The following SLC25A40 variants were observed in gnomAD, a reference collection of about 807,000 sequenced individuals.
SLC25A40 encodes solute carrier family 25 member 40.
SLC25A40 carries 41 observed loss-of-function variants against 46.5 expected under a neutral mutation model. The observed-to-expected ratio is 0.88, with a 90% CI of 0.69 to 1.14. The LOEUF (loss-of-function observed/expected upper bound fraction) is 1.14, where lower values mean the gene tolerates loss of function less well. Ranked by LOEUF, SLC25A40 falls within the 50% of genes most tolerant of loss-of-function variation. The pLI, the probability that SLC25A40 is intolerant of heterozygous loss-of-function variation, is 0.00. For synonymous variants in SLC25A40, 126 were observed against 127.5 expected (o/e 0.99, Z 0.08); for missense variants, 386 against 393.6 (o/e 0.98, Z 0.16).
chr7:87,869,678 A>G (rs1057076785), intron 1 of SLC25A40, among the ~76,000 whole-genome samples: 2 of 151,868 alleles, frequency 1.3e-5, no homozygotes, highest in Admixed American at 6.6e-5. Flanking sequence ...GTTCCTTTCC[A>G]CTTCTGAATA....
chr7:87,861,449 T>C (rs1584334688), intron 1 of SLC25A40, among the ~76,000 whole-genome samples: 1 of 152,196 alleles, frequency 6.6e-6, no homozygotes, highest in South Asian at 2.1e-4. Flanking sequence ...TTAAGGACCA[T>C]AATGTTCTAA....
At chr7:87,837,841 T>C (rs774369949) in intron 10 of SLC25A40, among the ~76,000 whole-genome samples, 5 of 151,406 alleles carry the variant, frequency 3.3e-5, no homozygotes, top group Non-Finnish European at 5.9e-5. Context: ...TACTGCCCTC[T>C]CTAGCTTTTT....
At chr7:87,873,383 ATTATC>A (rs900892777) in intron 1 of SLC25A40, among the ~76,000 whole-genome samples, 22 of 150,782 alleles carry the variant, frequency 1.5e-4, no homozygotes, top group African/African-American at 5.1e-4. Context: ...ACTGAACAAT[ATTATC>A]TTCATTTATA....
intron 7 of SLC25A40, 86 bp from the exon 8 acceptor site, chr7:87,847,208 GATTTTAT>G: frequency 9.6e-7 from 1 of 1,039,706 alleles, no homozygotes; most frequent in African/African-American, 1.6e-5. Flanking sequence ...AATATTCACA[GATTTTAT>G]ATTTTAAACT....
chr7:87,867,468 C>A (rs1017452494), intron 1 of SLC25A40, among the ~76,000 whole-genome samples: 2 of 152,058 alleles, frequency 1.3e-5, no homozygotes, highest in Non-Finnish European at 2.9e-5. Flanking sequence ...TGTTTAATTT[C>A]TTTGATAAAT....
intron 1 of SLC25A40, among the ~76,000 whole-genome samples, chr7:87,869,977 A>C (rs546565524): frequency 6.6e-6 from 1 of 152,290 alleles, no homozygotes; most frequent in South Asian, 2.1e-4. Flanking sequence ...GGTCAGTTTT[A>C]ACATTTTATT....
chr7:87,876,075 A>C (rs1839010491), intron 1 of SLC25A40, 21 bp downstream of exon 1: 1 of 152,390 alleles, frequency 6.6e-6, no homozygotes, highest in Admixed American at 6.5e-5. Flanking sequence ...CAGACGTCCG[A>C]CCAGTGGAAA....
intron 10 of SLC25A40, 49 bp downstream of exon 10, chr7:87,841,584 G>T: frequency 8.5e-7 from 1 of 1,180,800 alleles, no homozygotes; most frequent in Non-Finnish European, 1.2e-6. Context: ...TATCTGTAAG[G>T]AAAAACAAAA....
chr7:87,837,417 G>A (rs1423351893), intron 10 of SLC25A40, among the ~76,000 whole-genome samples: 1 of 151,082 alleles, frequency 6.6e-6, no homozygotes, highest in Non-Finnish European at 1.5e-5. Context: ...AGTGTCCTGA[G>A]TTATTACTAC....
chr7:87,850,185 T>C (rs898629053), intron 5 of SLC25A40, among the ~76,000 whole-genome samples: 1 of 152,196 alleles, frequency 6.6e-6, no homozygotes, highest in Non-Finnish European at 1.5e-5. Flanking sequence ...CAGCTCTAGA[T>C]TGTTCTACTA....
intron 1 of SLC25A40, among the ~76,000 whole-genome samples, chr7:87,874,431 A>G (rs1047892827): frequency 2.0e-5 from 3 of 152,120 alleles, no homozygotes; most frequent in Non-Finnish European, 4.4e-5. Flanking sequence ...ACAATAACAA[A>G]TTTTTTTGAA....
At chr7:87,871,302 A>G (rs1838892315) in intron 1 of SLC25A40, among the ~76,000 whole-genome samples, 1 of 152,212 alleles carries the variant, frequency 6.6e-6, no homozygotes, top group Non-Finnish European at 1.5e-5. Context: ...TCCAGATAAT[A>G]GCATTGAACT....
chr7:87,838,883 T>C (rs1419062304), intron 10 of SLC25A40, among the ~76,000 whole-genome samples: 3 of 151,718 alleles, frequency 2.0e-5, no homozygotes, highest in Admixed American at 1.3e-4. Context: ...CTATATTTTA[T>C]TCATTTTAAT....
At chr7:87,854,136 A>C in intron 5 of SLC25A40, 68 bp downstream of exon 5, 4 of 1,088,162 alleles carry the variant, frequency 3.7e-6, no homozygotes, top group Non-Finnish European at 5.6e-6. Context: ...TCTTGCAATT[A>C]GAAAATATTT....
At chr7:87,862,679 T>C (rs1838725342) in intron 1 of SLC25A40, among the ~76,000 whole-genome samples, 1 of 152,310 alleles carries the variant, frequency 6.6e-6, no homozygotes, top group East Asian at 1.9e-4. Flanking sequence ...TGTATTAGTC[T>C]GTTTTCACAC....
intron 1 of SLC25A40, among the ~76,000 whole-genome samples, chr7:87,861,790 C>A (rs992711877): frequency 6.6e-6 from 1 of 152,018 alleles, no homozygotes; most frequent in Admixed American, 6.5e-5. Context: ...CTTGAATATG[C>A]GCACATGAAA....
chr7:87,851,918 A>G (rs1838518478), intron 5 of SLC25A40, among the ~76,000 whole-genome samples: 1 of 152,224 alleles, frequency 6.6e-6, no homozygotes, highest in African/African-American at 2.4e-5. Flanking sequence ...CAGAAATAGA[A>G]AACACAACAA....
intron 5 of SLC25A40, among the ~76,000 whole-genome samples, chr7:87,853,883 A>T (rs1356653339): frequency 6.6e-6 from 1 of 152,220 alleles, no homozygotes; most frequent in Non-Finnish European, 1.5e-5. Flanking sequence ...CAATGTCAAA[A>T]TCCTAGTGGT....
rs1839000074 is a variant in SLC25A40, at chr7:87,875,888, G to A, written c.-94+208C>T. ...CACTCCCGCACGTCCCTCTGCAGCT[G>A]TCCTCAGCCGGTGGGGTCGGCAGTG... On this transcript the variant is annotated intron_variant, in intron 1 of 11. Transcript: ENST00000341119. 2.6e-5 allele frequency among the ~76,000 whole-genome samples: 4 copies of A among 152,314 alleles called. No homozygotes were observed. The South Asian group carries it at 8.3e-4, about 32-fold the overall frequency.
Sources: allele counts gnomAD v4.1 joint callset (sites outside exome capture counted in the v4.1 genomes callset), GRCh38; gene constraint gnomAD v4.1.1; transcripts MANE v1.5; gene names NCBI Gene and HGNC (gene_info 2026-07-23, HGNC 2026-07-21).